IQCN: variants seen among roughly 807,000 people sequenced by gnomAD.
IQCN encodes IQ motif containing N.
IQCN carries 46 observed loss-of-function variants against 64.4 expected under a neutral mutation model. The ratio of observed to expected loss-of-function variants is 0.71; its 90% confidence interval spans 0.56 to 0.91. The LOEUF (loss-of-function observed/expected upper bound fraction) is 0.91, where lower values mean the gene tolerates loss of function less well. IQCN is among the 40% of genes least tolerant of loss of function. The pLI is 0.00. For missense variants in IQCN, 1,753 were observed against 1,857.4 expected (o/e 0.94, Z 1.03); for synonymous variants, 733 against 775.6 (o/e 0.95, Z 0.91).
chr19:18,258,648 A>C (rs954546088), intron 3 of IQCN: 1 of 346,708 alleles, frequency 2.9e-6, no homozygotes, highest in Non-Finnish European at 5.7e-6. Context: ...CCTCTGAAGA[A>C]GACTAGGATT....
At position 18,267,466 on chromosome 19, in the gene IQCN, T is replaced by G. The variant is rs749013159; in HGVS notation, c.74A>C (p.Glu25Ala). 3.9e-6 allele frequency: 6 copies of G among 1,538,552 alleles called. No individual in the cohort carries two copies. The highest frequency in any genetic ancestry group is 4.4e-6 in the Non-Finnish European group (5 of 1,145,490). ...NAAGRLATVH[E>A]PVVTQWAVHP... is the part of the protein sequence containing the mutation. ...CACCGCCCACTGGGTGACAACTGGC[T>G]CGTGAACTGTAGCTAGGCGGCCGGC... Residue 25 changes from glutamate to alanine, a missense_variant, in exon 3 of 4, where the codon GAG (glutamate) becomes GCG (alanine). Coordinates refer to ENST00000392413, the MANE Select transcript of IQCN (RefSeq NM_001145304.2).
chr19:18,257,551 C>T lies in IQCN; in HGVS notation c.3733G>A (p.Val1245Met), dbSNP rs183169668. The T allele has an allele frequency of 9.9e-6, 16 of 1,612,404 alleles. No individual in the cohort carries two copies. In the East Asian group the frequency reaches 1.3e-4, roughly 13 times the overall value. The change falls in exon 4 of 4, where the codon GTG (valine) becomes ATG (methionine). Residue 1245 changes from valine (V) to methionine (M), a missense_variant. Physicochemically the swap from Val to Met is conservative, Grantham distance 21. Coordinates refer to ENST00000392413, the MANE Select transcript of IQCN (RefSeq NM_001145304.2). ...LSSRIGSPPS[V>M]VMLVGSSPRT... ...GGGCTGGAGCCCACTAGCATCACCA[C>T]GCTGGGCGGGCTCCCGATCCTGGAG...
Position 18,257,738 on chromosome 19 carries a change from G to T in IQCN, c.3546C>A (p.His1182Gln), listed in dbSNP as rs764928668. ...GYSTRRDQARHWQMLHPVTWV... is the reference protein window; with the variant it reads ...GYSTRRDQARQWQMLHPVTWV... ...ACGTGACGGGGTGGAGCATCTGCCA[G>T]TGCCGGGCTTGGTCCCGGCGGGTGC... Residue 1182 changes from histidine to glutamine, a missense_variant, in exon 4 of 4, where the codon CAC becomes CAA. By Grantham distance (24) the His-to-Gln change is conservative. Transcript: ENST00000392413. 17 of 1,610,808 alleles carry T rather than the reference G, an allele frequency of 1.1e-5. No individual in the cohort carries two copies. The highest frequency in any genetic ancestry group is 1.3e-5 in the African/African-American group (1 of 74,910).
At chr19:18,271,635 T>G (rs1969737708) in intron 1 of IQCN, among the ~76,000 whole-genome samples, 1 of 152,008 alleles carries the variant, frequency 6.6e-6, no homozygotes, top group South Asian at 2.1e-4. Flanking sequence ...AAGCCAGAGC[T>G]GGTCTGGAGT....
At chr19:18,271,113 A>AG (rs1969725674) in intron 1 of IQCN, among the ~76,000 whole-genome samples, 2 of 149,376 alleles carry the variant, frequency 1.3e-5, no homozygotes, top group African/African-American at 5.0e-5. Flanking sequence ...TGGAGATTGC[A>AG]GTGAGCCGAG....
rs766249835 is a variant in IQCN at position 18,265,085 on chromosome 19, C to T, written c.2455G>A (p.Gly819Arg). The change falls in exon 3 of 4, where the codon GGG (glycine) becomes AGG (arginine). Residue 819 changes from glycine (G) to arginine (R), a missense_variant. Coordinates refer to ENST00000392413, the MANE Select transcript of IQCN (RefSeq NM_001145304.2). The surrounding 1 kb of genome is among the most constrained non-coding windows in gnomAD (Gnocchi z 4.7). ...TCACAGGCTGCCGGGCATGGTCCCC[C>T]CTGAGTGGTCTTCCCCGGCACGTGT... The part of the protein sequence containing the change: ...HGHVPGKTTQ[G>R]GPCPAACEVQ... 6.2e-7 allele frequency: 1 copy of T among 1,601,926 alleles called. No homozygotes were observed. Among genetic ancestry groups the T allele is most frequent in the East Asian group, 2.2e-5 (1 of 44,874 alleles).
rs139925371 is a variant in IQCN at position 18,265,488 on chromosome 19, G to A, written c.2052C>T (p.Ala684=). The A allele has an allele frequency of 1.0e-4, 168 of 1,612,848 alleles. No homozygotes were observed. The African/African-American group carries it at 1.3e-3, about 12-fold the overall frequency. ...GAGATGAGGCCTTGGTCAGCGGGGCGGCCAGTGGTCTCTGGGACAGGCAGG... is the reference window on the plus strand; with the variant it reads ...GAGATGAGGCCTTGGTCAGCGGGGCAGCCAGTGGTCTCTGGGACAGGCAGG... The part of the protein sequence containing the change: ...HPPCLSQRPL[A]APLTKASSQG... Residue 684 remains alanine, a synonymous_variant, in exon 3 of 4, where the codon GCC becomes GCT. Coordinates refer to ENST00000392413, the MANE Select transcript of IQCN (RefSeq NM_001145304.2). The surrounding 1 kb of genome is among the most constrained non-coding windows in gnomAD (Gnocchi z 4.7).
rs779415782 is a variant in IQCN at position 18,257,680 on chromosome 19, A to G, written c.3604T>C (p.Ser1202Pro). 1.2e-6 allele frequency: 2 copies of G among 1,606,664 alleles called. No homozygotes were observed. The highest frequency in any genetic ancestry group is 1.7e-6 in the Non-Finnish European group (2 of 1,175,756). ...CCATCCTGGAACCAGCTTCGGTCAG[A>G]CATGACCCCGGCCCGGCTGCCCAGC... ...VELGSRAGVM[S>P]DRSWFQDGRA... The change falls in exon 4 of 4, where the codon TCT becomes CCT. Residue 1202 changes from serine to proline, a missense_variant. Coordinates refer to ENST00000392413, the MANE Select transcript of IQCN (RefSeq NM_001145304.2).
Position 18,265,206 on chromosome 19 carries a change from G to C in IQCN, c.2334C>G (p.Ser778=), listed in dbSNP as rs1401326325. The change falls in exon 3 of 4, where the codon TCC becomes TCG. Residue 778 remains serine, a synonymous_variant. Transcript: ENST00000392413. This position sits in a 1 kb window ranked among gnomAD's most constrained non-coding sequence, Gnocchi z 4.7. ...GCTGGCAGGCGTGGTTGGACACCTT[G>C]GACCCTGTTAGGAGCACCTGGGAGT... is the stretch of plus-strand genomic sequence containing the variant. ...NTHSQVLLTG[S]KVSNHACQRL... 6 of 1,611,830 alleles carry C rather than the reference G, an allele frequency of 3.7e-6. No homozygotes were observed. The highest frequency in any genetic ancestry group is 1.6e-4 in the Middle Eastern group (1 of 6,062).
chr19:18,257,510 G>A lies in IQCN; in HGVS notation c.3774C>T (p.Thr1258=), dbSNP rs769154075. 175 of 1,610,914 alleles carry A rather than the reference G, an allele frequency of 1.1e-4. No individual in the cohort carries two copies. Among genetic ancestry groups the A allele is most frequent in the Non-Finnish European group, 1.4e-4 (166 of 1,179,228 alleles). Residue 1258 remains threonine, a synonymous_variant, in exon 4 of 4, where the codon ACC becomes ACT. Coordinates refer to ENST00000392413, the MANE Select transcript of IQCN (RefSeq NM_001145304.2). The part of the protein sequence containing the change: ...LVGSSPRTCH[T]CGRTQPTRVV... ...CACGGGTGGGCTGTGTGCGTCCACA[G>A]GTATGACAGGTGCGAGGGCTGGAGC...
chr19:18,266,478 A>G lies in IQCN; in HGVS notation c.1062T>C (p.Tyr354=). 1.3e-6 allele frequency: 2 copies of G among 1,592,706 alleles called. No individual in the cohort carries two copies. The highest frequency in any genetic ancestry group is 2.2e-5 in the East Asian group (1 of 44,628). Residue 354 remains tyrosine, a synonymous_variant, in exon 3 of 4, where the codon TAT becomes TAC. Coordinates refer to ENST00000392413, the MANE Select transcript of IQCN (RefSeq NM_001145304.2). The surrounding 1 kb of genome is among the most constrained non-coding windows in gnomAD (Gnocchi z 4.3). ...GGGTGGTGGTCATCGTGGACGCTGG[A>G]TATGTCTGTGGCAGGGTCACGGAGA... ...PVVSVTLPQT[Y]PASTMTTTPP... is the part of the protein sequence containing the mutation.
At chr19:18,267,658 T>C (rs994585782) in intron 2 of IQCN, 132 bp from the exon 3 acceptor site, 2 of 1,134,762 alleles carry the variant, frequency 1.8e-6, no homozygotes, top group Non-Finnish European at 1.2e-6. Context: ...CCTCCCTTTT[T>C]CCATCCCTCC....
intron 1 of IQCN, among the ~76,000 whole-genome samples, chr19:18,271,425 A>G (rs1160631773): frequency 6.6e-6 from 1 of 151,084 alleles, no homozygotes; most frequent in Non-Finnish European, 1.5e-5. Context: ...AGCTGAGATC[A>G]TACCATTGCA....
chr19:18,266,077 A>C lies in IQCN; in HGVS notation c.1463T>G (p.Val488Gly). Reference protein sequence around the residue: ...KTSSQRSPVGVTKPSPQTRLP... With the variant: ...KTSSQRSPVGGTKPSPQTRLP... ...GCGGGTCTGGGGTGAGGGCTTGGTC[A>C]CCCCAACTGGGCTCCTCTGGGATGA... Residue 488 changes from valine (V) to glycine (G), a missense_variant, in exon 3 of 4, where the codon GTG becomes GGG. By Grantham distance (109) the Val-to-Gly change is moderately radical. Transcript: ENST00000392413. This position sits in a 1 kb window ranked among gnomAD's most constrained non-coding sequence, Gnocchi z 4.3. 1 of 1,613,252 alleles carries C rather than the reference A, an allele frequency of 6.2e-7. No homozygotes were observed. The highest frequency in any genetic ancestry group is 1.1e-5 in the South Asian group (1 of 91,022).
intron 1 of IQCN, among the ~76,000 whole-genome samples, chr19:18,273,346 ATT>A (rs1969783353): frequency 7.3e-6 from 1 of 137,264 alleles, no homozygotes; most frequent in South Asian, 2.3e-4. Flanking sequence ...TATTATTATT[ATT>A]CTCTTTGAGA....
rs2148100112 is a variant in IQCN at position 18,264,387 on chromosome 19, G to A, written c.3153C>T (p.Gly1051=). ...CCTTGCTGGTCTGTGGTCTCACGGG[G>A]CCCAGGGAGGGCCCCCATGCGGCCG... The part of the protein sequence containing the change: ...SPSAAWGPSL[G]PVRPQTSKGP... Residue 1051 remains glycine, a synonymous_variant, in exon 3 of 4, where the codon GGC becomes GGT. Transcript: ENST00000392413. The surrounding 1 kb of genome is among the most constrained non-coding windows in gnomAD (Gnocchi z 4.3). The A allele has an allele frequency of 2.0e-6, 3 of 1,513,820 alleles. No individual in the cohort carries two copies. The highest frequency in any genetic ancestry group is 2.5e-5 in the East Asian group (1 of 40,524). 93.8% of individuals were successfully genotyped at this position (1,513,820 alleles called of 1,614,324 possible).
At chr19:18,268,181 T>C (rs921176774) in intron 2 of IQCN, among the ~76,000 whole-genome samples, 1,572 of 134,434 alleles carry the variant, frequency 0.012, 35 homozygotes, top group African/African-American at 0.042. Context: ...CCTCTGTGTG[T>C]GTGTGTGTGT....
In IQCN at chr19:18,257,140, A is replaced by C; in HGVS notation, c.*40T>G. 6.3e-7 allele frequency: 1 copy of C among 1,589,142 alleles called. No individual in the cohort carries two copies. Among genetic ancestry groups the C allele is most frequent in the Non-Finnish European group, 8.6e-7 (1 of 1,164,910 alleles). ...TATTCATTAGACCCAGAGAGCCATG[A>C]GTGCCTCCCACGAAGTCCCCACTGC... On this transcript the variant is annotated 3_prime_UTR_variant, in exon 4 of 4. Transcript: ENST00000392413.
chr19:18,269,122 C>T (rs996261175), intron 2 of IQCN, among the ~76,000 whole-genome samples: 2 of 150,678 alleles, frequency 1.3e-5, no homozygotes, highest in Non-Finnish European at 2.9e-5. Flanking sequence ...AGAAGTGAAA[C>T]TCCGTGTCAA....
Sources: allele counts gnomAD v4.1 joint callset (sites outside exome capture counted in the v4.1 genomes callset), GRCh38; gene constraint gnomAD v4.1.1; non-coding constraint Gnocchi (gnomAD v3.1); transcripts MANE v1.5; gene names NCBI Gene and HGNC (gene_info 2026-07-23, HGNC 2026-07-21).